Variants in VARS1 observed in about 807,000 individuals in gnomAD.
VARS1 encodes the protein valine--tRNA ligase.
VARS1 carries 92 observed loss-of-function variants against 161.0 expected under a neutral mutation model. The observed-to-expected ratio is 0.57, with a 90% confidence interval of 0.48 to 0.68. The LOEUF (loss-of-function observed/expected upper bound fraction) is 0.68, where lower values mean the gene tolerates loss of function less well. Among genes scored for constraint, VARS1 ranks in the 30% least tolerant of loss-of-function variants. The pLI, the probability that VARS1 is intolerant of heterozygous loss-of-function variation, is 0.00. For synonymous variants in VARS1, 595 were observed against 682.5 expected (o/e 0.87, Z 2.00); for missense variants, 1,338 against 1,695.9 (o/e 0.79, Z 3.71).
At chr6:31,789,084 A>G (rs1014655642) in intron 8 of VARS1, among the ~76,000 whole-genome samples, 3 of 152,120 alleles carry the variant, frequency 2.0e-5, no homozygotes, top group African/African-American at 4.8e-5. Context: ...CACCTAGAAT[A>G]TTACTTTGTA....
rs747621374 is a variant in VARS1, at chr6:31,780,881, T to C, written c.2707A>G (p.Lys903Glu). Residue 903 changes from lysine (K) to glutamate (E), a missense_variant, in exon 23 of 30, where the codon AAA (lysine) becomes GAA (glutamate). By Grantham distance (56) the Lys-to-Glu change is moderately conservative. Around this residue, in one of 3 missense-constraint regions of VARS1, gnomAD observed 433 missense variants for 586.2 expected, o/e 0.74. Coordinates refer to ENST00000375663, the MANE Select transcript of VARS1 (RefSeq NM_006295.3). This position sits in a 1 kb window ranked among gnomAD's most constrained non-coding sequence, Gnocchi z 5.1. ...CCAACCCTCCATACCTGCCCTTCTTTGGCCTTCTCCACCTCGCTGGGATCC... is the reference window on the plus strand; with the variant it reads ...CCAACCCTCCATACCTGCCCTTCTTCGGCCTTCTCCACCTCGCTGGGATCC... ...NLDPSEVEKA[K>E]EGQKADFPAG... The C allele has an allele frequency of 6.2e-7, 1 of 1,614,216 alleles. No individual in the cohort carries two copies. Among genetic ancestry groups the C allele is most frequent in the South Asian group, 1.1e-5 (1 of 91,092 alleles).
chr6:31,787,215 C>A (rs1813565613), intron 8 of VARS1, among the ~76,000 whole-genome samples: 1 of 151,846 alleles, frequency 6.6e-6, no homozygotes, highest in Non-Finnish European at 1.5e-5. Context: ...GACTCTGTCT[C>A]AAAAATAAAT....
In VARS1 at chr6:31,780,855, C is replaced by T. The variant is rs745913820; in HGVS notation, c.2718+15G>A. The T allele has an allele frequency of 4.3e-6, 7 of 1,614,200 alleles. No individual in the cohort carries two copies. The highest frequency in any genetic ancestry group is 5.9e-6 in the Non-Finnish European group (7 of 1,180,028). ...CACGCTGTGCTCCTGCTTAGCCCAG[C>T]CCAACCCTCCATACCTGCCCTTCTT... On this transcript the variant is annotated intron_variant, in intron 23 of 29. Coordinates refer to ENST00000375663, the MANE Select transcript of VARS1 (RefSeq NM_006295.3). This position sits in a 1 kb window ranked among gnomAD's most constrained non-coding sequence, Gnocchi z 5.1.
rs200594036 is a variant in VARS1, at chr6:31,784,616, G to A, written c.1446C>T (p.Asn482=). ...GCACCTCAATGTCAGAGATGGCGGA[G>A]TTGAGGGTGCAGGACCAGTTAACAA... ...TRLVNWSCTL[N]SAISDIEVDK... is the part of the protein sequence containing the mutation. Residue 482 remains asparagine, a synonymous_variant, in exon 11 of 30, where the codon AAC becomes AAT. Coordinates refer to ENST00000375663, the MANE Select transcript of VARS1 (RefSeq NM_006295.3). The surrounding 1 kb of genome is among the most constrained non-coding windows in gnomAD (Gnocchi z 6.1). 1.9e-6 allele frequency: 3 copies of A among 1,613,244 alleles called. No individual in the cohort carries two copies.
rs988989539 is a variant in VARS1 at position 31,791,305 on chromosome 6, G to A, written c.1100+305C>T. The stretch of plus-strand genomic sequence containing the variant: ...GACAGGAGAATCACTTGAGCCAGGA[G>A]TTGGAGACCAGACTGAGCAACAAAG... On this transcript the variant is annotated intron_variant, in intron 8 of 29. Transcript: ENST00000375663. This position sits in a 1 kb window ranked among gnomAD's most constrained non-coding sequence, Gnocchi z 5.0. Among the ~76,000 whole-genome samples the A allele has an allele frequency of 3.3e-5, 5 of 152,098 alleles. No individual in the cohort carries two copies. The highest frequency in any genetic ancestry group is 1.2e-4 in the African/African-American group (5 of 41,398).
rs1412607222 is a variant in VARS1 at position 31,778,921 on chromosome 6, A to G, written c.3726+46T>C. 3 of 1,611,402 alleles carry G rather than the reference A, an allele frequency of 1.9e-6. No individual in the cohort carries two copies. The highest frequency in any genetic ancestry group is 8.5e-7 in the Non-Finnish European group (1 of 1,178,878). ...CGGACCAGCCCAGACCAGGGTTTTGATGGAGGAAGGGGATGGTGTGGGAAA... is the reference window on the plus strand; with the variant it reads ...CGGACCAGCCCAGACCAGGGTTTTGGTGGAGGAAGGGGATGGTGTGGGAAA... On this transcript the variant is annotated intron_variant, in intron 29 of 29. Coordinates refer to ENST00000375663, the MANE Select transcript of VARS1 (RefSeq NM_006295.3). This position sits in a 1 kb window ranked among gnomAD's most constrained non-coding sequence, Gnocchi z 5.1.
rs376351530 is a variant in VARS1, at chr6:31,784,371, A to T, written c.1576+23T>A. On this transcript the variant is annotated intron_variant, in intron 12 of 29. Transcript: ENST00000375663. The surrounding 1 kb of genome is among the most constrained non-coding windows in gnomAD (Gnocchi z 6.1). ...CCCTTCCTGCCACTCCCAGCCCAGG[A>T]TCCTGGTGCCCCTGGCTCCTACCTG... 347 of 1,614,004 alleles carry T rather than the reference A, an allele frequency of 2.1e-4. No homozygotes were observed. Among genetic ancestry groups the T allele is most frequent in the Non-Finnish European group, 2.7e-4 (314 of 1,180,032 alleles).
chr6:31,793,017 G>C lies in VARS1; in HGVS notation c.491C>G (p.Ala164Gly), dbSNP rs1461761425. 6.2e-7 allele frequency: 1 copy of C among 1,613,160 alleles called. No individual in the cohort carries two copies. Among genetic ancestry groups the C allele is most frequent in the Non-Finnish European group, 8.5e-7 (1 of 1,180,046 alleles). Residue 164 changes from alanine to glycine, a missense_variant, in exon 3 of 30, where the codon GCT becomes GGT. Coordinates refer to ENST00000375663, the MANE Select transcript of VARS1 (RefSeq NM_006295.3). ...GEAPTLADLA[A>G]VTALLLPFRY... ...GAAAGGCAGCAGCAAGGCTGTGACA[G>C]CCGCCAGGTCAGCCAGAGTGGGGGC...
At position 31,777,646 on chromosome 6, in the gene VARS1, GCTT is replaced by G. The variant is rs1453189166; in HGVS notation, c.3740_3742del (p.Glu1247del). On this transcript the variant is annotated inframe_deletion, in exon 30 of 30. Transcript: ENST00000375663. This position sits in a 1 kb window ranked among gnomAD's most constrained non-coding sequence, Gnocchi z 5.8. ...GGCCTCATCCACCTTCCTGAGCTCT[GCTT>G]CTGTCTGTTGGAGCTGGAGTGGAAC... 8 of 1,613,866 alleles carry G rather than the reference GCTT, an allele frequency of 5.0e-6. No homozygotes were observed. The highest frequency in any genetic ancestry group is 6.8e-6 in the Non-Finnish European group (8 of 1,179,918).
chr6:31,788,138 T>C (rs1490804377), intron 8 of VARS1, among the ~76,000 whole-genome samples: 1 of 148,236 alleles, frequency 6.7e-6, no homozygotes, highest in Non-Finnish European at 1.5e-5. Flanking sequence ...AAAAAAAAAT[T>C]GAAAAATTGA....
intron 6 of VARS1, 21 bp downstream of exon 6, chr6:31,792,196 G>A (rs1395713958): frequency 6.2e-7 from 1 of 1,611,868 alleles, no homozygotes; most frequent in Non-Finnish European, 8.5e-7. Flanking sequence ...TGAGGGGTGA[G>A]CCCCTTCCCA....
intron 8 of VARS1, among the ~76,000 whole-genome samples, chr6:31,790,231 T>C (rs1261361416): frequency 1.3e-5 from 2 of 151,924 alleles, no homozygotes; most frequent in Non-Finnish European, 2.9e-5. Context: ...AAACTTGATA[T>C]ACAGGGATGT....
In VARS1 at chr6:31,791,622, G is replaced by A; in HGVS notation, c.1088C>T (p.Ser363Phe). ...GHALTNAIQDSLTRWHRMRGE... is the reference protein window; with the variant it reads ...GHALTNAIQDFLTRWHRMRGE... ...GATAGAAGCTCACCATCGAGTCAGGGAGTCCTGGATGGCGTTGGTGAGTGC... is the reference window on the plus strand; with the variant it reads ...GATAGAAGCTCACCATCGAGTCAGGAAGTCCTGGATGGCGTTGGTGAGTGC... The change falls in exon 8 of 30, where the codon TCC (serine) becomes TTC (phenylalanine). Residue 363 changes from serine to phenylalanine, a missense_variant. This residue lies in a region of VARS1 where 902 missense variants were observed against 1,090.3 expected (regional missense o/e 0.83). Coordinates refer to ENST00000375663, the MANE Select transcript of VARS1 (RefSeq NM_006295.3). This position sits in a 1 kb window ranked among gnomAD's most constrained non-coding sequence, Gnocchi z 5.0. 6.2e-7 allele frequency: 1 copy of A among 1,611,748 alleles called. No individual in the cohort carries two copies.
chr6:31,785,895 G>T lies in VARS1; in HGVS notation c.1101-162C>A, dbSNP rs1247792128. 6.6e-6 allele frequency among the ~76,000 whole-genome samples: 1 copy of T among 152,228 alleles called. No homozygotes were observed. Among genetic ancestry groups the T allele is most frequent in the South Asian group, 2.1e-4 (1 of 4,836 alleles). ...AATCCCAGAACTTTGGGAGGCTGAG[G>T]TGGGTGGATCACCTCAGGTGGGGGA... On this transcript the variant is annotated intron_variant, in intron 8 of 29. Transcript: ENST00000375663. The surrounding 1 kb of genome is among the most constrained non-coding windows in gnomAD (Gnocchi z 6.1).
Position 31,780,884 on chromosome 6 carries a change from C to T in VARS1, c.2704G>A (p.Ala902Thr). 2 of 1,614,212 alleles carry T rather than the reference C, an allele frequency of 1.2e-6. No individual in the cohort carries two copies. The highest frequency in any genetic ancestry group is 8.5e-7 in the Non-Finnish European group (1 of 1,180,022). ...SNLDPSEVEKAKEGQKADFPA... is the reference protein window; with the variant it reads ...SNLDPSEVEKTKEGQKADFPA... ...ACCCTCCATACCTGCCCTTCTTTGG[C>T]CTTCTCCACCTCGCTGGGATCCAGG... is the stretch of plus-strand genomic sequence containing the variant. Residue 902 changes from alanine to threonine, a missense_variant, in exon 23 of 30, where the codon GCC (alanine) becomes ACC (threonine). Transcript: ENST00000375663. The surrounding 1 kb of genome is among the most constrained non-coding windows in gnomAD (Gnocchi z 5.1).
In VARS1 at chr6:31,785,886, G is replaced by A. The variant is rs527347647; in HGVS notation, c.1101-153C>T. ...CACGCCTGTAATCCCAGAACTTTGGGAGGCTGAGGTGGGTGGATCACCTCA... is the reference window on the plus strand; with the variant it reads ...CACGCCTGTAATCCCAGAACTTTGGAAGGCTGAGGTGGGTGGATCACCTCA... On this transcript the variant is annotated intron_variant, in intron 8 of 29. Transcript: ENST00000375663. This position sits in a 1 kb window ranked among gnomAD's most constrained non-coding sequence, Gnocchi z 6.1. Among the ~76,000 whole-genome samples the A allele has an allele frequency of 1.3e-5, 2 of 152,340 alleles. No individual in the cohort carries two copies. The highest frequency in any genetic ancestry group is 1.9e-4 in the East Asian group (1 of 5,178).
At position 31,792,780 on chromosome 6, in the gene VARS1, G is replaced by T; in HGVS notation, c.638C>A (p.Ala213Asp). 6.2e-7 allele frequency: 1 copy of T among 1,614,134 alleles called. No homozygotes were observed. The highest frequency in any genetic ancestry group is 1.1e-5 in the South Asian group (1 of 91,076). Residue 213 changes from alanine (A) to aspartate (D), a missense_variant, in exon 4 of 30, where the codon GCC becomes GAC. By Grantham distance (126) the Ala-to-Asp change is moderately radical. Coordinates refer to ENST00000375663, the MANE Select transcript of VARS1 (RefSeq NM_006295.3). ...ACCTGGCTGATGAGAGAGAGGCCTG[G>T]CTCCTGAGTATAGAACCACTTCTCC... is the stretch of plus-strand genomic sequence containing the variant. ...VLGEVVLYSG[A>D]RPLSHQPGPE...
chr6:31,780,106 C>T lies in VARS1; in HGVS notation c.2973G>A (p.Leu991=), dbSNP rs766093767. The part of the protein sequence containing the change: ...SLVDRWIRSR[L]TEAVRLSNQG... ...GATTGCTGAGCCTCACAGCCTCTGT[C>T]AGGCGGCTGCGGATCCAGCGGTCCA... Residue 991 remains leucine (L), a synonymous_variant, in exon 26 of 30, where the codon CTG becomes CTA. Transcript: ENST00000375663. The surrounding 1 kb of genome is among the most constrained non-coding windows in gnomAD (Gnocchi z 5.1). The T allele has an allele frequency of 1.2e-6, 2 of 1,614,072 alleles. No individual in the cohort carries two copies. The highest frequency in any genetic ancestry group is 1.7e-6 in the Non-Finnish European group (2 of 1,180,028).
rs2607012 is a variant in VARS1, at chr6:31,782,976, A to G, written c.1762+120T>C. ...CACTTGTCTAATACAGTCCCTTGAGAACCACCCCAAGCTCTGTCTATTTGG... is the reference window on the plus strand; with the variant it reads ...CACTTGTCTAATACAGTCCCTTGAGGACCACCCCAAGCTCTGTCTATTTGG... On this transcript the variant is annotated intron_variant, in intron 14 of 29. Coordinates refer to ENST00000375663, the MANE Select transcript of VARS1 (RefSeq NM_006295.3). The surrounding 1 kb of genome is among the most constrained non-coding windows in gnomAD (Gnocchi z 8.3). 49 of 1,521,186 alleles carry G rather than the reference A, an allele frequency of 3.2e-5. No individual in the cohort carries two copies. Among genetic ancestry groups the G allele is most frequent in the Non-Finnish European group, 4.1e-5 (46 of 1,129,628 alleles). The allele number at this position is 1,521,186 out of a possible 1,614,324, so 94.2% of individuals were successfully genotyped here. A position where few individuals can be genotyped will look rare whatever the true frequency, so the allele number is the denominator to read the frequency against.
Sources: gnomAD v4.1 joint callset for allele counts (sites outside exome capture counted in the v4.1 genomes callset) on GRCh38, gnomAD v4.1.1 for gene constraint, gnomAD v4.1.1 regional missense constraint, Gnocchi (gnomAD v3.1) non-coding constraint, MANE v1.5 for transcripts, NCBI Gene and HGNC (gene_info 2026-07-23, HGNC 2026-07-21) for gene names.